Variants in TCL1B observed in about 807,000 individuals in gnomAD.
The protein encoded by TCL1B is TCL1 family AKT coactivator B.
In TCL1B, 14 loss-of-function variants were observed where a neutral mutation model predicts 16.9. The observed-to-expected ratio is 0.83, with a 90% CI of 0.55 to 1.30. TCL1B has a LOEUF of 1.30. TCL1B is among the 50% of genes most tolerant of loss of function. TCL1B has a pLI of 0.00. For missense variants in TCL1B, 166 were observed against 165.2 expected, an observed-to-expected ratio of 1.00 and a Z score of -0.03; for synonymous variants, 79 against 66.6, an observed-to-expected ratio of 1.19 and a Z score of -0.91.
chr14:95,687,441 C>G (rs1313020412), intron 1 of TCL1B, among the ~76,000 whole-genome samples: 1 of 152,050 alleles, frequency 6.6e-6, no homozygotes. Context: ...ATAACCTCAG[C>G]GCATCCTCTA....
chr14:95,690,730 C>G lies in TCL1B; in HGVS notation c.163-6C>G. 1.2e-6 allele frequency: 2 copies of G among 1,607,752 alleles called. No homozygotes were observed. ...TGATTTGCCGCCTCTTTTCTGGTCC[C>G]TTCAGTATGAACCCAGCATCACAGT... On this transcript the variant is annotated splice_polypyrimidine_tract_variant and splice_region_variant and intron_variant, in intron 1 of 3. Transcript: ENST00000340722.
rs774175119 is a variant in TCL1B, at chr14:95,686,644, C to G, written c.162+15C>G. 1 of 1,593,286 alleles carries G rather than the reference C, an allele frequency of 6.3e-7. No individual in the cohort carries two copies. The highest frequency in any genetic ancestry group is 2.2e-5 in the East Asian group (1 of 44,666). ...AGGGCAGCAGAGTGAGTCCTGGGCA[C>G]GAGGGGAGGCTGTGGGGAGGGCTGC... is the stretch of plus-strand genomic sequence containing the variant. On this transcript the variant is annotated intron_variant, in intron 1 of 3. Transcript: ENST00000340722.
At chr14:95,687,468 A>G (rs4905374) in intron 1 of TCL1B, among the ~76,000 whole-genome samples, 2,558 of 151,062 alleles carry the variant, frequency 0.017, 33 homozygotes, top group African/African-American at 0.021. Context: ...TTGAAATCAG[A>G]TTACTAATAA....
rs561054482 is a variant in TCL1B at position 95,686,455 on chromosome 14, T to C, written c.-13T>C. The C allele has an allele frequency of 7.6e-6, 12 of 1,573,810 alleles. No individual in the cohort carries two copies. The African/African-American group carries it at 1.6e-4, about 21-fold the overall frequency. ...GTGTGAGCCTAGAGGCGGGTCCCGGTTGCAGACTTGCCATGGCCTCCGAAG... is the reference window on the plus strand; with the variant it reads ...GTGTGAGCCTAGAGGCGGGTCCCGGCTGCAGACTTGCCATGGCCTCCGAAG... On this transcript the variant is annotated 5_prime_UTR_variant, in exon 1 of 4. Transcript: ENST00000340722.
intron 1 of TCL1B, 88 bp downstream of exon 1, chr14:95,686,717 C>T: frequency 2.8e-6 from 4 of 1,416,548 alleles, no homozygotes; most frequent in Admixed American, 2.8e-5. Context: ...CAGAGGGGGC[C>T]GTTCTCACCC....
intron 1 of TCL1B, among the ~76,000 whole-genome samples, chr14:95,687,868 C>A (rs1006354748): frequency 2.1e-5 from 3 of 142,774 alleles, no homozygotes; most frequent in African/African-American, 7.9e-5. Flanking sequence ...AGGAGAATGG[C>A]GTGAACCCGG....
chr14:95,691,208 G>A (rs571780651), intron 2 of TCL1B, 60 bp from the exon 3 acceptor site: 112 of 1,584,508 alleles, frequency 7.1e-5, no homozygotes, highest in Admixed American at 6.2e-4. Context: ...ATGGGCGGCC[G>A]TTAAGGCCAA....
In TCL1B at chr14:95,686,477, G is replaced by A. The variant is rs769328187; in HGVS notation, c.10G>A (p.Glu4Lys). The change falls in exon 1 of 4, where the codon GAA becomes AAA. Residue 4 changes from glutamate to lysine, a missense_variant. Transcript: ENST00000340722. The part of the protein sequence containing the change: MAS[E>K]ASVRLGVPPG... Reference sequence around the variant, plus strand: ...CGGTTGCAGACTTGCCATGGCCTCCGAAGCTTCTGTGCGTCTAGGGGTGCC... The same window carrying A: ...CGGTTGCAGACTTGCCATGGCCTCCAAAGCTTCTGTGCGTCTAGGGGTGCC... The A allele has an allele frequency of 4.9e-5, 79 of 1,596,344 alleles. No individual in the cohort carries two copies. Among genetic ancestry groups the A allele is most frequent in the Non-Finnish European group, 9.4e-6 (11 of 1,171,678 alleles).
In TCL1B at chr14:95,686,637, C is replaced by G; in HGVS notation, c.162+8C>G. 6.2e-7 allele frequency: 1 copy of G among 1,600,308 alleles called. No homozygotes were observed. The highest frequency in any genetic ancestry group is 8.5e-7 in the Non-Finnish European group (1 of 1,173,486). On this transcript the variant is annotated splice_region_variant and intron_variant, in intron 1 of 3. Coordinates refer to ENST00000340722, the MANE Select transcript of TCL1B (RefSeq NM_004918.4). ...GCCTCCCAGGGCAGCAGAGTGAGTC[C>G]TGGGCACGAGGGGAGGCTGTGGGGA...
intron 1 of TCL1B, among the ~76,000 whole-genome samples, chr14:95,687,355 C>T (rs1885782587): frequency 1.3e-5 from 2 of 152,012 alleles, no homozygotes; most frequent in South Asian, 2.1e-4. Context: ...GTGTGGGTGG[C>T]GGTGGGGAAT....
chr14:95,686,981 T>C (rs1007467773), intron 1 of TCL1B, among the ~76,000 whole-genome samples: 15 of 152,166 alleles, frequency 9.9e-5, no homozygotes, highest in African/African-American at 3.6e-4. Flanking sequence ...TCTCCAGGTC[T>C]AGAAAGGAGG....
chr14:95,687,775 AC>A (rs1182715486), intron 1 of TCL1B, among the ~76,000 whole-genome samples: 1 of 151,796 alleles, frequency 6.6e-6, no homozygotes, highest in Admixed American at 6.6e-5. Context: ...ACATGGGGAA[AC>A]CCCGTCTCTA....
rs762095798 is a variant in TCL1B, at chr14:95,686,491, T to A, written c.24T>A (p.Arg8=). The change falls in exon 1 of 4, where the codon CGT becomes CGA. Residue 8 remains arginine (R), a synonymous_variant. Coordinates refer to ENST00000340722, the MANE Select transcript of TCL1B (RefSeq NM_004918.4). MASEASV[R]LGVPPGRLWI... ...CCATGGCCTCCGAAGCTTCTGTGCGTCTAGGGGTGCCCCCTGGCCGTCTGT... is the reference window on the plus strand; with the variant it reads ...CCATGGCCTCCGAAGCTTCTGTGCGACTAGGGGTGCCCCCTGGCCGTCTGT... 6.2e-7 allele frequency: 1 copy of A among 1,608,980 alleles called. No homozygotes were observed. The highest frequency in any genetic ancestry group is 1.1e-5 in the South Asian group (1 of 90,260).
In TCL1B at chr14:95,692,452, G is replaced by A. The variant is rs10144465; in HGVS notation, c.*537G>A. 0.093 allele frequency: 14,205 copies of A among 152,458 alleles called. 773 individuals are homozygous for A. The highest frequency in any genetic ancestry group is 0.13 in the Middle Eastern group (39 of 298). 9.4% of individuals were successfully genotyped at this position (152,458 alleles called of 1,614,324 possible). On this transcript the variant is annotated 3_prime_UTR_variant, in exon 4 of 4. Coordinates refer to ENST00000340722, the MANE Select transcript of TCL1B (RefSeq NM_004918.4). ...GACACTTTGGCCCGAAATAGATCCA[G>A]TGCTGAGCAAGCAATGTACACCAGA...
In TCL1B at chr14:95,691,126, C is replaced by T. The variant is rs75510454; in HGVS notation, c.334-142C>T. 2.2e-3 allele frequency: 2,507 copies of T among 1,136,002 alleles called. 50 individuals are homozygous for T. The African/African-American group carries it at 0.034, about 15-fold the overall frequency. The allele number at this position is 1,136,002 out of a possible 1,614,324, so 70.4% of individuals were successfully genotyped here. On this transcript the variant is annotated intron_variant, in intron 2 of 3. Transcript: ENST00000340722. ...GGGTGAGGGAGGGAGGGTTGCCTTC[C>T]CTGGGCTAGGGAAATCCACAAGCTG...
Position 95,686,437 on chromosome 14 carries a change from C to T in TCL1B, c.-31C>T, listed in dbSNP as rs376915167. The T allele has an allele frequency of 8.7e-5, 137 of 1,581,326 alleles. No homozygotes were observed. The African/African-American group carries it at 1.6e-3, about 18-fold the overall frequency. ...GCAGCTGGAAAGCTACACGTGTGAG[C>T]CTAGAGGCGGGTCCCGGTTGCAGAC... On this transcript the variant is annotated 5_prime_UTR_variant, in exon 1 of 4. Transcript: ENST00000340722.
At chr14:95,690,579 C>T (rs1428382307) in intron 1 of TCL1B, among the ~76,000 whole-genome samples, 157 bp from the exon 2 acceptor site, 3 of 151,936 alleles carry the variant, frequency 2.0e-5, no homozygotes, top group African/African-American at 7.3e-5. Flanking sequence ...CCCAGCCATC[C>T]TAGATGGAGC....
In TCL1B at chr14:95,688,458, A is replaced by G. The variant is rs938646927; in HGVS notation, c.162+1829A>G. On this transcript the variant is annotated intron_variant, in intron 1 of 3. Transcript: ENST00000340722. ...ATATTTTAAGTTTTTCAAAAGCCTG[A>G]AAAAGTGTTAATGGAGGGCACTGTA... is the stretch of plus-strand genomic sequence containing the variant. Among the ~76,000 whole-genome samples, 9 of 152,372 alleles carry G rather than the reference A, an allele frequency of 5.9e-5. No homozygotes were observed. The South Asian group carries it at 8.3e-4, about 14-fold the overall frequency.
At chr14:95,690,966 C>T (rs1268198172) in intron 2 of TCL1B, 60 bp downstream of exon 2, 1 of 1,574,722 alleles carries the variant, frequency 6.4e-7, no homozygotes, top group African/African-American at 1.3e-5. Flanking sequence ...TGCCGTGGCC[C>T]TCTCTCTTCT....
Sources: gnomAD v4.1 joint callset for allele counts (sites outside exome capture counted in the v4.1 genomes callset) on GRCh38, gnomAD v4.1.1 for gene constraint, MANE v1.5 for transcripts, NCBI Gene and HGNC (gene_info 2026-07-23, HGNC 2026-07-21) for gene names.